PCOLCE2: variants seen among roughly 807,000 people sequenced by gnomAD.
The protein encoded by PCOLCE2 is procollagen C-endopeptidase enhancer 2, also known as procollagen C-proteinase enhancer 2.
Under a neutral mutation model 47.0 loss-of-function variants are expected in PCOLCE2, and 42 were observed. That is an observed-to-expected ratio of 0.89 (90% confidence interval 0.70 to 1.16). PCOLCE2 has a LOEUF of 1.16. Among genes scored for constraint, PCOLCE2 ranks in the 50% most tolerant of loss-of-function variants. The pLI, the probability that PCOLCE2 is intolerant of heterozygous loss-of-function variation, is 0.00. For synonymous variants in PCOLCE2, 169 were observed against 191.7 expected, an observed-to-expected ratio of 0.88 and a Z score of 0.98; for missense variants, 500 against 526.1, an observed-to-expected ratio of 0.95 and a Z score of 0.49.
chr3:142,872,679 T>C (rs1416357927), intron 2 of PCOLCE2, among the ~76,000 whole-genome samples: 1 of 152,118 alleles, frequency 6.6e-6, no homozygotes, highest in African/African-American at 2.4e-5. Context: ...GCTCACCAAA[T>C]AACCCCTAAG....
intron 2 of PCOLCE2, among the ~76,000 whole-genome samples, chr3:142,852,238 TTA>T (rs150865332): frequency 0.014 from 2,064 of 152,280 alleles, 32 homozygotes; most frequent in Non-Finnish European, 0.018. Context: ...TCTTCATTTT[TTA>T]TATGAGTGAT....
In PCOLCE2 at chr3:142,818,069, T is replaced by C; in HGVS notation, c.*266A>G. ...TGTATAAATAAACGCTTCCAAGCTG[T>C]CAACGCTTGACACTTTTAGCTTCCT... On this transcript the variant is annotated 3_prime_UTR_variant, in exon 9 of 9. Coordinates refer to ENST00000295992, the MANE Select transcript of PCOLCE2 (RefSeq NM_013363.4). 1 of 326,122 alleles carries C rather than the reference T, an allele frequency of 3.1e-6. No homozygotes were observed. The highest frequency in any genetic ancestry group is 5.7e-6 in the Non-Finnish European group (1 of 175,580). The allele number at this position is 326,122 out of a possible 1,614,324, so 20.2% of individuals were successfully genotyped here.
chr3:142,887,499 A>G (rs546482844), intron 2 of PCOLCE2, 170 bp downstream of exon 2: 1 of 585,928 alleles, frequency 1.7e-6, no homozygotes, highest in South Asian at 2.2e-5. Context: ...GGACACGACT[A>G]GATCTATTAT....
At chr3:142,822,882 A>G (rs1937030567) in intron 7 of PCOLCE2, among the ~76,000 whole-genome samples, 2 of 152,226 alleles carry the variant, frequency 1.3e-5, no homozygotes, top group South Asian at 2.1e-4. Flanking sequence ...TCCTGATCAG[A>G]TTTGTCTTAA....
At position 142,844,631 on chromosome 3, in the gene PCOLCE2, C is replaced by G. The variant is rs142697818; in HGVS notation, c.449-1583G>C. 1.3e-3 allele frequency among the ~76,000 whole-genome samples: 193 copies of G among 152,244 alleles called. 1 individual carries two copies. Among genetic ancestry groups the G allele is most frequent in the African/African-American group, 4.3e-3 (179 of 41,542 alleles). ...CTCACTGTAATTTTAATTTGCATTT[C>G]CCTGATGACTAATGAGAGATACTGA... On this transcript the variant is annotated intron_variant, in intron 3 of 8. Coordinates refer to ENST00000295992, the MANE Select transcript of PCOLCE2 (RefSeq NM_013363.4).
intron 6 of PCOLCE2, among the ~76,000 whole-genome samples, chr3:142,826,027 CAG>C (rs1212299943): frequency 1.3e-5 from 2 of 151,430 alleles, no homozygotes; most frequent in South Asian, 2.1e-4. Context: ...CTTTTTGAGA[CAG>C]AGTCTCACTC....
chr3:142,827,161 G>A (rs1369922662), intron 6 of PCOLCE2: 1 of 1,433,906 alleles, frequency 7.0e-7, no homozygotes, highest in Non-Finnish European at 9.8e-7. Context: ...GCAGCAATGA[G>A]ACCCATTTTG....
intron 2 of PCOLCE2, among the ~76,000 whole-genome samples, chr3:142,870,906 G>A (rs983374385): frequency 6.6e-6 from 1 of 152,060 alleles, no homozygotes; most frequent in Non-Finnish European, 1.5e-5. Context: ...TAAAGTACTG[G>A]TCCAAGAAGC....
chr3:142,861,354 C>G (rs1016865323), intron 2 of PCOLCE2, among the ~76,000 whole-genome samples: 1 of 152,168 alleles, frequency 6.6e-6, no homozygotes, highest in Non-Finnish European at 1.5e-5. Context: ...TCCAAATTCC[C>G]TGTTCTTTCT....
In PCOLCE2 at chr3:142,842,308, G is replaced by A. The variant is rs933672000; in HGVS notation, c.573+616C>T. On this transcript the variant is annotated intron_variant, in intron 4 of 8. Coordinates refer to ENST00000295992, the MANE Select transcript of PCOLCE2 (RefSeq NM_013363.4). The surrounding 1 kb of genome is among the most constrained non-coding windows in gnomAD (Gnocchi z 4.1). The stretch of plus-strand genomic sequence containing the variant: ...GATTTTTATCCTCCCACAGTTAGTC[G>A]CTGCTGCTTATAACATCCACTGCAG... Among the ~76,000 whole-genome samples the A allele has an allele frequency of 9.2e-5, 14 of 152,104 alleles. No individual in the cohort carries two copies. Among genetic ancestry groups the A allele is most frequent in the African/African-American group, 2.7e-4 (11 of 41,414 alleles).
At chr3:142,883,190 C>T (rs1241313805) in intron 2 of PCOLCE2, among the ~76,000 whole-genome samples, 1 of 121,070 alleles carries the variant, frequency 8.3e-6, no homozygotes, top group East Asian at 2.4e-4. Flanking sequence ...CAGAGCGAGA[C>T]TCCGTCTCAA....
intron 8 of PCOLCE2, 45 bp from the exon 9 acceptor site, chr3:142,818,510 ATG>A: frequency 6.8e-7 from 1 of 1,475,758 alleles, no homozygotes; most frequent in Non-Finnish European, 9.5e-7. Context: ...TCTATGTATC[ATG>A]TGTGAAACAA....
chr3:142,828,313 A>G (rs565605156), intron 6 of PCOLCE2, among the ~76,000 whole-genome samples: 1 of 152,346 alleles, frequency 6.6e-6, no homozygotes, highest in Admixed American at 6.5e-5. Context: ...TTGGGCTCCC[A>G]TGTGGTCCAA....
At chr3:142,869,217 G>C (rs1321010268) in intron 2 of PCOLCE2, among the ~76,000 whole-genome samples, 1 of 152,020 alleles carries the variant, frequency 6.6e-6, no homozygotes, top group Non-Finnish European at 1.5e-5. Context: ...TGTGAACCCG[G>C]GAGGTGGAGC....
At position 142,823,548 on chromosome 3, in the gene PCOLCE2, A is replaced by G. The variant is rs1937038989; in HGVS notation, c.933T>C (p.Tyr311=). Residue 311 remains tyrosine (Y), a synonymous_variant, in exon 7 of 9, where the codon TAT becomes TAC. Transcript: ENST00000295992. The stretch of plus-strand genomic sequence containing the variant: ...ATTTCTTACCAAAGTCACTTGAACA[A>G]TAATTGCCCTCCAGAGTCCCCGTCC... ...CRRTGTLEGN[Y]CSSDFVLAGT... 1 of 1,607,026 alleles carries G rather than the reference A, an allele frequency of 6.2e-7. No individual in the cohort carries two copies. The highest frequency in any genetic ancestry group is 1.1e-5 in the South Asian group (1 of 90,764).
chr3:142,818,573 G>T, intron 8 of PCOLCE2, 108 bp from the exon 9 acceptor site: 1 of 855,020 alleles, frequency 1.2e-6, no homozygotes, highest in Non-Finnish European at 1.9e-6. Flanking sequence ...CAAATGGTAA[G>T]ATTATACATG....
Position 142,843,027 on chromosome 3 carries a change from A to T in PCOLCE2, c.470T>A (p.Leu157His). The T allele has an allele frequency of 6.2e-7, 1 of 1,613,986 alleles. No individual in the cohort carries two copies. The highest frequency in any genetic ancestry group is 8.5e-7 in the Non-Finnish European group (1 of 1,179,838). ...NERGDQYCGG[L>H]LDRPSGSFKT... ...AAAAGAGCCGGAAGGTCTGTCAAGG[A>T]GTCCTCCACAATACTGATCCCCTTC... The change falls in exon 4 of 9, where the codon CTC becomes CAC. Residue 157 changes from leucine (L) to histidine (H), a missense_variant. Coordinates refer to ENST00000295992, the MANE Select transcript of PCOLCE2 (RefSeq NM_013363.4).
chr3:142,841,818 T>C (rs750309332), intron 4 of PCOLCE2, among the ~76,000 whole-genome samples: 5 of 152,204 alleles, frequency 3.3e-5, no homozygotes, highest in Non-Finnish European at 7.3e-5. Context: ...AACAGTATCA[T>C]AATGTTTACC....
Position 142,842,610 on chromosome 3 carries a change from G to A in PCOLCE2, c.573+314C>T, listed in dbSNP as rs1367784984. Among the ~76,000 whole-genome samples, 1 of 151,946 alleles carries A rather than the reference G, an allele frequency of 6.6e-6. No individual in the cohort carries two copies. Among genetic ancestry groups the A allele is most frequent in the Non-Finnish European group, 1.5e-5 (1 of 67,996 alleles). On this transcript the variant is annotated intron_variant, in intron 4 of 8. Transcript: ENST00000295992. The surrounding 1 kb of genome is among the most constrained non-coding windows in gnomAD (Gnocchi z 4.1). Reference sequence around the variant, plus strand: ...CAAAATTAGCCGGGCGTGGTGGCGCGTGCCTGTAATCTCAGCTACTCGTGA... The same window carrying A: ...CAAAATTAGCCGGGCGTGGTGGCGCATGCCTGTAATCTCAGCTACTCGTGA...
Sources: allele counts gnomAD v4.1 joint callset (sites outside exome capture counted in the v4.1 genomes callset), GRCh38; gene constraint gnomAD v4.1.1; non-coding constraint Gnocchi (gnomAD v3.1); transcripts MANE v1.5; gene names NCBI Gene and HGNC (gene_info 2026-07-23, HGNC 2026-07-21).